The following FGGY variants were observed in gnomAD, a reference collection of about 807,000 sequenced individuals.
FGGY encodes the protein FGGY carbohydrate kinase domain-containing protein.
In FGGY, 72 loss-of-function variants were observed where a neutral mutation model predicts 71.3. The ratio of observed to expected loss-of-function variants is 1.01; its 90% CI spans 0.84 to 1.23. The LOEUF is 1.23. Among genes scored for constraint, FGGY ranks in the 50% most tolerant of loss-of-function variants. The pLI is 0.00. For synonymous variants in FGGY, 251 were observed against 250.3 expected, an observed-to-expected ratio of 1.00 and a Z score of -0.02; for missense variants, 668 against 682.3, an observed-to-expected ratio of 0.98 and a Z score of 0.23.
At chr1:59,380,827 T>C (rs1199052988) in intron 5 of FGGY, among the ~76,000 whole-genome samples, 3 of 151,614 alleles carry the variant, frequency 2.0e-5, no homozygotes, top group Non-Finnish European at 2.9e-5. Context: ...TTGGCTTTTG[T>C]TGCCATTGCT....
chr1:59,698,134 T>C (rs917875585), intron 14 of FGGY, among the ~76,000 whole-genome samples: 2 of 152,204 alleles, frequency 1.3e-5, no homozygotes, highest in African/African-American at 4.8e-5. Context: ...TTTAGAAATG[T>C]AATGTGATAT....
intron 9 of FGGY, among the ~76,000 whole-genome samples, chr1:59,625,665 C>A (rs146822844): frequency 3.9e-5 from 6 of 152,064 alleles, no homozygotes; most frequent in Admixed American, 6.6e-5. Flanking sequence ...CAGACCCCCC[C>A]CATTTGACAT....
intron 5 of FGGY, among the ~76,000 whole-genome samples, chr1:59,434,849 G>C (rs556674831): frequency 2.3e-3 from 353 of 152,148 alleles, no homozygotes; most frequent in Non-Finnish European, 3.6e-3. Flanking sequence ...TTTGAGGGGG[G>C]GATACACACA....
chr1:59,717,820 G>A (rs2097856368), intron 14 of FGGY, among the ~76,000 whole-genome samples: 1 of 152,164 alleles, frequency 6.6e-6, no homozygotes, highest in South Asian at 2.1e-4. Context: ...CCCATCAATA[G>A]CACTTAAGTA....
chr1:59,694,157 C>T (rs980223476), intron 14 of FGGY, among the ~76,000 whole-genome samples: 3 of 145,510 alleles, frequency 2.1e-5, no homozygotes, highest in Admixed American at 6.9e-5. Context: ...GGCACAGTGG[C>T]GGGCGCCTGT....
chr1:59,585,709 A>G (rs2096273402), intron 8 of FGGY, among the ~76,000 whole-genome samples: 1 of 152,238 alleles, frequency 6.6e-6, no homozygotes, highest in Non-Finnish European at 1.5e-5. Flanking sequence ...ACAGCAAAAG[A>G]AACTACCATC....
At chr1:59,456,875 C>T (rs912196634) in intron 5 of FGGY, 86 bp from the exon 6 acceptor site, 1 of 797,708 alleles carries the variant, frequency 1.3e-6, no homozygotes, top group Non-Finnish European at 2.1e-6. Flanking sequence ...AATACCTCTG[C>T]AGATACCTGG....
chr1:59,730,433 G>A (rs377580022), intron 14 of FGGY, among the ~76,000 whole-genome samples: 176 of 152,048 alleles, frequency 1.2e-3, no homozygotes, highest in African/African-American at 4.2e-3. Context: ...TGGAATGTAA[G>A]CTTATGAAAG....
intron 5 of FGGY, among the ~76,000 whole-genome samples, chr1:59,443,453 C>G (rs1453610641): frequency 2.6e-5 from 4 of 152,110 alleles, no homozygotes; most frequent in Non-Finnish European, 5.9e-5. Context: ...CTCCCCACCC[C>G]CCAACTAGTG....
At chr1:59,592,610 A>T (rs1209367570) in intron 8 of FGGY, among the ~76,000 whole-genome samples, 1 of 152,194 alleles carries the variant, frequency 6.6e-6, no homozygotes, top group African/African-American at 2.4e-5. Context: ...CAGCCATGAA[A>T]ATTGATGAGT....
chr1:59,612,016 C>T (rs984118857), intron 9 of FGGY, among the ~76,000 whole-genome samples: 3 of 152,186 alleles, frequency 2.0e-5, no homozygotes, highest in Non-Finnish European at 2.9e-5. Context: ...ACCAAATCTA[C>T]GTCTGATTAG....
intron 1 of FGGY, among the ~76,000 whole-genome samples, chr1:59,319,616 A>C (rs1557528350): frequency 6.6e-6 from 1 of 152,178 alleles, no homozygotes; most frequent in Non-Finnish European, 1.5e-5. Context: ...AGACAAGGAA[A>C]GGAGAGAATT....
At chr1:59,589,442 A>G (rs1302365869) in intron 8 of FGGY, among the ~76,000 whole-genome samples, 6 of 152,202 alleles carry the variant, frequency 3.9e-5, no homozygotes, top group African/African-American at 1.4e-4. Context: ...CGGACCTAAT[A>G]GACATCTACA....
At chr1:59,314,541 A>AT (rs1326092690) in intron 1 of FGGY, among the ~76,000 whole-genome samples, 3 of 152,206 alleles carry the variant, frequency 2.0e-5, no homozygotes, top group Admixed American at 2.0e-4. Flanking sequence ...CATGAGTCTC[A>AT]TACCTGTGAA....
chr1:59,364,873 C>G (rs61788347), intron 4 of FGGY, among the ~76,000 whole-genome samples: 1 of 151,998 alleles, frequency 6.6e-6, no homozygotes, highest in East Asian at 1.9e-4. Flanking sequence ...AGGTGGGCAC[C>G]TCTTCATGAA....
At position 59,638,160 on chromosome 1, in the gene FGGY, C is replaced by A. The variant is rs1008030745; in HGVS notation, c.1074-68C>A. On this transcript the variant is annotated intron_variant, in intron 10 of 15. Transcript: ENST00000303721. ...CTGGATCTGGAAGTACAAATGGTTT[C>A]TTTCTATAGAATGATTTGCTCCCTG... The A allele has an allele frequency of 6.7e-6, 10 of 1,497,962 alleles. No homozygotes were observed. In the African/African-American group the frequency reaches 1.3e-4, roughly 19 times the overall value. The allele number at this position is 1,497,962 out of a possible 1,614,324, so 92.8% of individuals were successfully genotyped here.
chr1:59,676,066 G>C (rs183781823), intron 14 of FGGY, among the ~76,000 whole-genome samples: 1 of 152,090 alleles, frequency 6.6e-6, no homozygotes, highest in African/African-American at 2.4e-5. Context: ...CTGGCACCCT[G>C]ATCTCAGACT....
intron 14 of FGGY, among the ~76,000 whole-genome samples, chr1:59,704,850 C>G (rs1009495062): frequency 6.6e-6 from 1 of 152,148 alleles, no homozygotes; most frequent in African/African-American, 2.4e-5. Context: ...ATTTTGTTAG[C>G]TGTGGCCAAA....
rs562079507 is a variant in FGGY at position 59,487,638 on chromosome 1, A to C, written c.671-24673A>C. Reference sequence around the variant, plus strand: ...CTCAGTTAAGCTTAGGGTGGAGCTAAAACCTGCCTGGGCTGGTGCTTCTCT... The same window carrying C: ...CTCAGTTAAGCTTAGGGTGGAGCTACAACCTGCCTGGGCTGGTGCTTCTCT... On this transcript the variant is annotated intron_variant, in intron 6 of 15. Transcript: ENST00000303721. 3.3e-5 allele frequency among the ~76,000 whole-genome samples: 5 copies of C among 152,322 alleles called. No individual in the cohort carries two copies. In the South Asian group the frequency reaches 1.0e-3, roughly 32 times the overall value.
Sources: gnomAD v4.1 joint callset for allele counts (sites outside exome capture counted in the v4.1 genomes callset) on GRCh38, gnomAD v4.1.1 for gene constraint, MANE v1.5 for transcripts, NCBI Gene and HGNC (gene_info 2026-07-23, HGNC 2026-07-21) for gene names.